USP50: variants seen among roughly 807,000 people sequenced by gnomAD.
USP50 encodes the protein ubiquitin specific peptidase 50, also known as ubiquitin carboxyl-terminal hydrolase 50.
Under a neutral mutation model 39.2 loss-of-function variants are expected in USP50, and 37 were observed. That is an observed-to-expected ratio of 0.94 (90% CI 0.73 to 1.24). The LOEUF (loss-of-function observed/expected upper bound fraction) is 1.24. USP50 is among the 50% of genes most tolerant of loss of function. USP50 has a pLI of 0.00. For synonymous variants in USP50, 139 were observed against 144.5 expected (o/e 0.96, Z 0.27); for missense variants, 374 against 398.2 (o/e 0.94, Z 0.52).
chr15:50,514,613 C>G (rs113878508), intron 6 of USP50, among the ~76,000 whole-genome samples: 223 of 152,146 alleles, frequency 1.5e-3, no homozygotes, highest in African/African-American at 5.0e-3. Flanking sequence ...CTCACTGCAA[C>G]CTCCGCCTCC....
At position 50,538,730 on chromosome 15, in the gene USP50, A is replaced by T. The variant is rs1363312606; in HGVS notation, c.782T>A (p.Ile261Lys). 6.3e-7 allele frequency: 1 copy of T among 1,599,788 alleles called. No individual in the cohort carries two copies. The part of the protein sequence containing the change: ...VRASISKAPK[I>K]IIFHLKRFDI... Reference sequence around the variant, plus strand: ...ATACCTTTTTAGGTGGAAAATAATTATTTTTGGTGCTTTGGAAATACTGGC... The same window carrying T: ...ATACCTTTTTAGGTGGAAAATAATTTTTTTTGGTGCTTTGGAAATACTGGC... The change falls in exon 5 of 7, where the codon ATA (isoleucine) becomes AAA (lysine). Residue 261 changes from isoleucine to lysine, a missense_variant. By Grantham distance (102) the Ile-to-Lys change is moderately radical. Transcript: ENST00000532404.
At chr15:50,529,603 TAG>T (rs566903467) in intron 6 of USP50, among the ~76,000 whole-genome samples, 192 bp downstream of exon 6, 180 of 152,240 alleles carry the variant, frequency 1.2e-3, no homozygotes, top group Non-Finnish European at 2.4e-3. Context: ...GGAGAGAAAA[TAG>T]AGAGGCAGTG....
downstream of USP50, chr15:50,497,706 G>T (rs1324647436): frequency 6.6e-6 from 1 of 152,126 alleles, no homozygotes; most frequent in African/African-American, 2.4e-5. Flanking sequence ...TCCTATAATA[G>T]AAGGAATAAT....
intron 6 of USP50, chr15:50,512,324 T>C (rs547594270): frequency 4.0e-5 from 6 of 148,478 alleles, no homozygotes; most frequent in Admixed American, 4.0e-4. Flanking sequence ...CAAGACTCTG[T>C]TAAAAAAAAA....
Position 50,531,350 on chromosome 15 carries a change from T to C in USP50, c.804-1421A>G, listed in dbSNP as rs73405200. ...CAACTGGTGGAGACATAAGCAACTA[T>C]GGTACACTCACAAAAAGGAATAGCA... On this transcript the variant is annotated intron_variant, in intron 5 of 6. Transcript: ENST00000532404. Among the ~76,000 whole-genome samples the C allele has an allele frequency of 1.5e-3, 228 of 152,214 alleles. 2 individuals carry two copies. Among genetic ancestry groups the C allele is most frequent in the African/African-American group, 5.1e-3 (213 of 41,538 alleles).
chr15:50,500,897 G>GA (rs1566898560), intron 6 of USP50, 60 bp from the exon 7 acceptor site: 26 of 1,286,582 alleles, frequency 2.0e-5, no homozygotes, highest in Non-Finnish European at 1.5e-5. Context: ...TACTGGAACA[G>GA]AAATGATAGG....
chr15:50,496,087 AAGTTTAAGAAGTAG>A (rs1252808738), downstream of USP50: 2 of 1,584,324 alleles, frequency 1.3e-6, no homozygotes, highest in Non-Finnish European at 1.7e-6. Flanking sequence ...CATTACAGGT[AAGTTTAAGAAGTAG>A]AGAGAAAATG....
intron 6 of USP50, chr15:50,510,708 T>C (rs1418655155): frequency 6.6e-6 from 1 of 152,114 alleles, no homozygotes; most frequent in Non-Finnish European, 1.5e-5. Flanking sequence ...GTAATAAAAG[T>C]GTATACACTG....
At chr15:50,497,061 G>T (rs376013914), downstream of USP50, 8 of 1,581,686 alleles carry the variant, frequency 5.1e-6, no homozygotes, top group African/African-American at 1.4e-5. Flanking sequence ...GAATTAACGA[G>T]TATCTGCTAC....
chr15:50,538,765 A>G lies in USP50; in HGVS notation c.747T>C (p.Thr249=). ...CTTTGGAAATACTGGCCCTCACAGC[A>G]GTTTCTTGCTTGGTTTCACAAAAGG... ...HCSFCETKQE[T]AVRASISKAP... Residue 249 remains threonine (T), a synonymous_variant, in exon 5 of 7, where the codon ACT becomes ACC. Transcript: ENST00000532404. 6.2e-7 allele frequency: 1 copy of G among 1,613,696 alleles called. No homozygotes were observed. The highest frequency in any genetic ancestry group is 8.5e-7 in the Non-Finnish European group (1 of 1,179,764).
chr15:50,519,295 C>T (rs1480047542), intron 6 of USP50, among the ~76,000 whole-genome samples: 1 of 150,178 alleles, frequency 6.7e-6, no homozygotes, highest in Non-Finnish European at 1.5e-5. Flanking sequence ...TCAAAAAAAT[C>T]AGTACAATAC....
intron 6 of USP50, among the ~76,000 whole-genome samples, chr15:50,521,631 C>A (rs568515717): frequency 2.0e-5 from 3 of 152,116 alleles, no homozygotes; most frequent in Non-Finnish European, 4.4e-5. Flanking sequence ...ACACAATTGA[C>A]AAACTATTAG....
At chr15:50,528,198 C>T (rs75806395) in intron 6 of USP50, among the ~76,000 whole-genome samples, 2,200 of 151,910 alleles carry the variant, frequency 0.014, 63 homozygotes, top group African/African-American at 0.052. Context: ...TGAGCCACTG[C>T]ACCCAGCCTA....
At chr15:50,541,675 C>T (rs1310978467) in intron 3 of USP50, among the ~76,000 whole-genome samples, 3 of 151,904 alleles carry the variant, frequency 2.0e-5, no homozygotes, top group South Asian at 2.1e-4. Flanking sequence ...GATATTTTCC[C>T]GTTAGATGAA....
chr15:50,521,982 A>G (rs2052854714), intron 6 of USP50, among the ~76,000 whole-genome samples: 1 of 152,132 alleles, frequency 6.6e-6, no homozygotes, highest in Non-Finnish European at 1.5e-5. Context: ...GCAGAAACAA[A>G]AGAGGACACA....
rs2053057599 is a variant in USP50 at position 50,544,658 on chromosome 15, T to C, written c.177A>G (p.Ser59=). The C allele has an allele frequency of 6.2e-7, 1 of 1,613,794 alleles. No homozygotes were observed. The highest frequency in any genetic ancestry group is 8.5e-7 in the Non-Finnish European group (1 of 1,179,792). ...LGNTCCVNAI[S]QCLCSILPLV... is the part of the protein sequence containing the mutation. The stretch of plus-strand genomic sequence containing the variant: ...GCGGCAAGATGCTGCAGAGACACTG[T>C]GAGATGGCATTCACGCAGCATGTGT... The change falls in exon 2 of 7, where the codon TCA becomes TCG. Residue 59 remains serine, a synonymous_variant. Coordinates refer to ENST00000532404, the MANE Select transcript of USP50 (RefSeq NM_203494.5).
chr15:50,503,826 A>G (rs189991680), intron 6 of USP50: 1 of 152,354 alleles, frequency 6.6e-6, no homozygotes, highest in East Asian at 1.9e-4. Context: ...AGTTGAGATC[A>G]CAATTCAAAA....
At chr15:50,493,925 TG>T, downstream of USP50, 1 of 974,134 alleles carries the variant, frequency 1.0e-6, no homozygotes, top group Non-Finnish European at 1.6e-6. Flanking sequence ...GATGAGAATC[TG>T]GTGGTGAGCC....
intron 1 of USP50, among the ~76,000 whole-genome samples, chr15:50,545,656 T>C (rs1262092972): frequency 1.8e-5 from 2 of 111,612 alleles, no homozygotes; most frequent in African/African-American, 5.3e-5. Flanking sequence ...AGAGCACACA[T>C]ATGTGTATAT....
Sources: gnomAD v4.1 joint callset for allele counts (sites outside exome capture counted in the v4.1 genomes callset) on GRCh38, gnomAD v4.1.1 for gene constraint, MANE v1.5 for transcripts, NCBI Gene and HGNC (gene_info 2026-07-23, HGNC 2026-07-21) for gene names.